The following KLHL2 variants were observed in gnomAD, a reference collection of about 807,000 sequenced individuals.
The protein encoded by KLHL2 is kelch like family member 2.
A neutral mutation model predicts 75.8 loss-of-function variants in KLHL2; 15 were observed. That is an observed-to-expected ratio of 0.20 (90% CI 0.13 to 0.30). KLHL2 has a LOEUF of 0.30. Among genes scored for constraint, KLHL2 ranks in the 10% least tolerant of loss-of-function variants. KLHL2 has a pLI of 1.00. For missense variants in KLHL2, 381 were observed against 741.0 expected (o/e 0.51, Z 5.64); for synonymous variants, 214 against 251.9 (o/e 0.85, Z 1.42).
chr4:165,246,123 TTGAA>T (rs1483896981), intron 4 of KLHL2, among the ~76,000 whole-genome samples: 1 of 151,964 alleles, frequency 6.6e-6, no homozygotes, highest in African/African-American at 2.4e-5. Context: ...GAGCAGAGAC[TTGAA>T]TGAAGAGAAG....
intron 4 of KLHL2, among the ~76,000 whole-genome samples, chr4:165,261,190 C>T (rs1421793033): frequency 1.3e-5 from 2 of 152,076 alleles, no homozygotes; most frequent in Non-Finnish European, 1.5e-5. Context: ...TGCTTCAGAG[C>T]GCAATTACAC....
At chr4:165,304,679 C>T (rs1410285553) in intron 8 of KLHL2, among the ~76,000 whole-genome samples, 1 of 152,162 alleles carries the variant, frequency 6.6e-6, no homozygotes, top group Non-Finnish European at 1.5e-5. Flanking sequence ...AGATCAGGTT[C>T]CAGGAAGCTT....
intron 5 of KLHL2, among the ~76,000 whole-genome samples, chr4:165,286,265 T>C (rs999309373): frequency 1.3e-5 from 2 of 152,120 alleles, no homozygotes; most frequent in African/African-American, 4.8e-5. Flanking sequence ...GGTGTATGGG[T>C]GGCTCTGTCT....
intron 4 of KLHL2, among the ~76,000 whole-genome samples, chr4:165,250,551 T>A (rs1261078291): frequency 6.6e-6 from 1 of 152,248 alleles, no homozygotes; most frequent in Admixed American, 6.5e-5. Flanking sequence ...AATTTATTAC[T>A]GACTTCAAGA....
At chr4:165,305,869 C>T (rs1231475405) in intron 9 of KLHL2, 144 bp downstream of exon 9, 7 of 619,300 alleles carry the variant, frequency 1.1e-5, no homozygotes, top group African/African-American at 5.5e-5. Flanking sequence ...ATTCAGGGGC[C>T]TCATATGCCT....
At chr4:165,258,076 C>T (rs1579057642) in intron 4 of KLHL2, among the ~76,000 whole-genome samples, 2 of 152,036 alleles carry the variant, frequency 1.3e-5, no homozygotes, top group Non-Finnish European at 2.9e-5. Context: ...GAAGGAGGGG[C>T]GAGGGCCTCT....
chr4:165,296,696 G>A (rs372456777), intron 6 of KLHL2, among the ~76,000 whole-genome samples: 2 of 152,258 alleles, frequency 1.3e-5, no homozygotes, highest in Admixed American at 6.5e-5. Context: ...ATAGAAGCAG[G>A]GGGGAGAGAA....
intron 8 of KLHL2, among the ~76,000 whole-genome samples, chr4:165,301,011 C>T (rs1258076859): frequency 6.6e-6 from 1 of 151,968 alleles, no homozygotes; most frequent in African/African-American, 2.4e-5. Context: ...TGCAGATTTG[C>T]CAGGATGCTG....
At chr4:165,312,110 A>G (rs1435807409) in intron 11 of KLHL2, among the ~76,000 whole-genome samples, 5 of 152,136 alleles carry the variant, frequency 3.3e-5, no homozygotes, top group Non-Finnish European at 5.9e-5. Flanking sequence ...GTGAGAATCT[A>G]ATGCCGCTGC....
chr4:165,305,970 G>A (rs56022310), intron 9 of KLHL2, among the ~76,000 whole-genome samples: 37,343 of 151,986 alleles, frequency 0.25, 5,249 homozygotes, highest in Middle Eastern at 0.34. Flanking sequence ...GTAATTTGCC[G>A]GATATTTCCT....
chr4:165,279,644 A>G (rs780825846), intron 5 of KLHL2: 3 of 1,610,934 alleles, frequency 1.9e-6, no homozygotes, highest in Admixed American at 3.3e-5. Context: ...TGAGGCTGCC[A>G]TGAAACCAGC....
intron 1 of KLHL2, among the ~76,000 whole-genome samples, chr4:165,217,483 T>TA (rs775056496): frequency 9.2e-5 from 14 of 152,206 alleles, no homozygotes; most frequent in Non-Finnish European, 1.6e-4. Context: ...CAAGAGGGCA[T>TA]AGGGAGTAGA....
chr4:165,278,114 A>G, intron 5 of KLHL2: 3 of 1,555,732 alleles, frequency 1.9e-6, no homozygotes, highest in East Asian at 2.2e-5. Context: ...AACCCAACCC[A>G]TTGACTTCAT....
At chr4:165,226,627 A>G (rs906900745) in intron 2 of KLHL2, among the ~76,000 whole-genome samples, 7 of 152,176 alleles carry the variant, frequency 4.6e-5, no homozygotes, top group African/African-American at 1.7e-4. Flanking sequence ...TTGATTTTTA[A>G]AAATATTCTG....
chr4:165,282,231 A>G (rs1429077209), intron 5 of KLHL2, among the ~76,000 whole-genome samples: 5 of 152,184 alleles, frequency 3.3e-5, no homozygotes, highest in African/African-American at 1.2e-4. Flanking sequence ...AATTCTTTGT[A>G]GGTACATTTT....
chr4:165,208,022 C>A, intron 1 of KLHL2, 120 bp downstream of exon 1: 1 of 599,144 alleles, frequency 1.7e-6, no homozygotes, highest in Non-Finnish European at 2.3e-6. Context: ...GTGGGAGATG[C>A]GGGGCGTGAC....
In KLHL2 at chr4:165,317,930, G is replaced by C. The variant is rs759431695; in HGVS notation, c.1714G>C (p.Val572Leu). The part of the protein sequence containing the change: ...YYNPTTDKWT[V>L]VSSCMSTGRS... ...TAACCCAACAACCGATAAATGGACA[G>C]TTGTGTCATCGTGTATGAGCACAGG... The change falls in exon 14 of 15, where the codon GTT becomes CTT. Residue 572 changes from valine (V) to leucine (L), a missense_variant. Around this residue, in one of 5 missense-constraint regions of KLHL2, gnomAD observed 168 missense variants for 370.4 expected, o/e 0.45. Transcript: ENST00000226725. 6.2e-7 allele frequency: 1 copy of C among 1,614,002 alleles called. No homozygotes were observed. Among genetic ancestry groups the C allele is most frequent in the Non-Finnish European group, 8.5e-7 (1 of 1,179,896 alleles).
intron 4 of KLHL2, among the ~76,000 whole-genome samples, chr4:165,244,900 A>G (rs1368782835): frequency 6.6e-6 from 1 of 152,200 alleles, no homozygotes; most frequent in Admixed American, 6.5e-5. Flanking sequence ...ATTTTCAAAA[A>G]ATAATTTTAA....
Position 165,279,610 on chromosome 4 carries a change from C to T in KLHL2, c.545-14749C>T, listed in dbSNP as rs547041799. 6 of 1,611,362 alleles carry T rather than the reference C, an allele frequency of 3.7e-6. No homozygotes were observed. In the East Asian group the frequency reaches 1.3e-4, roughly 36 times the overall value. On this transcript the variant is annotated intron_variant, in intron 5 of 14. Coordinates refer to ENST00000226725, the MANE Select transcript of KLHL2 (RefSeq NM_007246.4). ...TGGTGCCTTGGTCCACTGCCCCCAC[C>T]AATGGCCCCAAAACTGCCTTCTTTG...
Sources: allele counts gnomAD v4.1 joint callset (sites outside exome capture counted in the v4.1 genomes callset), GRCh38; gene constraint gnomAD v4.1.1; regional missense constraint gnomAD v4.1.1; transcripts MANE v1.5; gene names NCBI Gene and HGNC (gene_info 2026-07-23, HGNC 2026-07-21).